Variants in DIAPH2 observed in about 807,000 individuals in gnomAD.
The protein encoded by DIAPH2 is protein diaphanous homolog 2.
A neutral mutation model predicts 92.7 loss-of-function variants in DIAPH2; 35 were observed. That is an observed-to-expected ratio of 0.38 (90% CI 0.29 to 0.50). DIAPH2 has a LOEUF of 0.50. DIAPH2 is among the 20% of genes least tolerant of loss of function. The pLI is 0.94. For missense variants in DIAPH2, 701 were observed against 819.5 expected (o/e 0.86, Z 1.77); for synonymous variants, 301 against 280.4 (o/e 1.07, Z -0.73).
intron 26 of DIAPH2, chrX:97,469,957 T>A: frequency 1.8e-6 from 1 of 553,113 alleles, no homozygotes; most frequent in Non-Finnish European, 2.6e-6. Flanking sequence ...AAAGAAAATA[T>A]AGACTTGGGA....
At chrX:96,898,266 G>T (rs1444811470) in intron 5 of DIAPH2, among the ~76,000 whole-genome samples, 1 of 101,219 alleles carries the variant, frequency 9.9e-6, no homozygotes, top group Non-Finnish European at 2.0e-5. Context: ...GGGTCAAATG[G>T]TATTTCTAGT....
At chrX:96,686,398 A>T (rs764878192) in intron 1 of DIAPH2, among the ~76,000 whole-genome samples, 6 of 111,488 alleles carry the variant, frequency 5.4e-5, no homozygotes, top group Non-Finnish European at 9.4e-5. Context: ...TCGAGAAAAA[A>T]AAAAACACTT....
chrX:96,770,850 A>G (rs747846075), intron 4 of DIAPH2, among the ~76,000 whole-genome samples: 1 of 112,371 alleles, frequency 8.9e-6, no homozygotes, highest in Non-Finnish European at 1.9e-5. Flanking sequence ...TACCAATTTC[A>G]GTCTTTTCTA....
At chrX:97,422,385 T>C (rs183345800) in intron 25 of DIAPH2, among the ~76,000 whole-genome samples, 178 of 111,745 alleles carry the variant, frequency 1.6e-3, no homozygotes, top group Non-Finnish European at 2.9e-3. Context: ...ATTTCTTCCA[T>C]GAAATCTTCC....
chrX:96,924,262 G>T (rs1183504378), intron 9 of DIAPH2, among the ~76,000 whole-genome samples: 2 of 111,976 alleles, frequency 1.8e-5, no homozygotes, highest in Non-Finnish European at 3.8e-5. Context: ...TCTATTTATT[G>T]ACAGTTTTAT....
intron 4 of DIAPH2, among the ~76,000 whole-genome samples, chrX:96,819,226 T>G (rs2064761852): frequency 8.9e-6 from 1 of 112,489 alleles, no homozygotes; most frequent in Admixed American, 9.4e-5. Flanking sequence ...GCCCTTTTAT[T>G]TGGTTCTAAA....
Position 97,109,753 on chromosome X carries a change from C to T in DIAPH2, c.2350-4973C>T, listed in dbSNP as rs2066966713. Among the ~76,000 whole-genome samples, 3 of 111,518 alleles carry T rather than the reference C, an allele frequency of 2.7e-5. 1 individual carries two copies. Among genetic ancestry groups the T allele is most frequent in the Admixed American group, 1.9e-4 (2 of 10,450 alleles). On this transcript the variant is annotated intron_variant, in intron 20 of 26. Coordinates refer to ENST00000324765, the MANE Select transcript of DIAPH2 (RefSeq NM_006729.5). The stretch of plus-strand genomic sequence containing the variant: ...ACTATATGTCCTCTTCTTGACCCAG[C>T]ATTTTACTGAATATTATGTTTCCTA...
At chrX:96,810,311 G>A (rs2064667201) in intron 4 of DIAPH2, among the ~76,000 whole-genome samples, 1 of 112,326 alleles carries the variant, frequency 8.9e-6, no homozygotes, top group African/African-American at 3.2e-5. Flanking sequence ...CTGCATAAAT[G>A]TCTTCTTTTG....
chrX:97,539,051 A>G (rs772931738), intron 26 of DIAPH2, among the ~76,000 whole-genome samples: 3 of 112,338 alleles, frequency 2.7e-5, no homozygotes, highest in African/African-American at 9.7e-5. Flanking sequence ...AAAGAAGAAG[A>G]AAAAAACAAC....
intron 4 of DIAPH2, among the ~76,000 whole-genome samples, chrX:96,819,142 C>T (rs1009550816): frequency 8.9e-6 from 1 of 112,081 alleles, no homozygotes; most frequent in South Asian, 3.7e-4. Flanking sequence ...GGTCTGTTGC[C>T]CAAGGGTTGG....
rs1160617401 is a variant in DIAPH2, at chrX:97,145,322, A to AGTAGTAGTG, written c.2719+3530_2719+3531insAGTAGTGGT. On this transcript the variant is annotated intron_variant, in intron 22 of 26. Coordinates refer to ENST00000324765, the MANE Select transcript of DIAPH2 (RefSeq NM_006729.5). ...TAGTAGTAGTAGTAGTAGTAGTAGT[A>AGTAGTAGTG]GTGGTAGTAGTAGTAGTATTGATAT... Among the ~76,000 whole-genome samples, 11 of 107,436 alleles carry AGTAGTAGTG rather than the reference A, an allele frequency of 1.0e-4. No homozygotes were observed. The East Asian group carries it at 1.4e-3, about 14-fold the overall frequency. 93.3% of individuals were successfully genotyped at this position (107,436 alleles called of 115,157 possible).
At chrX:97,066,647 T>C (rs2066636098) in intron 17 of DIAPH2, among the ~76,000 whole-genome samples, 1 of 112,279 alleles carries the variant, frequency 8.9e-6, no homozygotes, top group African/African-American at 3.2e-5. Flanking sequence ...TCCTAAAATA[T>C]GCATTACCTG....
At chrX:97,329,471 A>G (rs2068978218) in intron 23 of DIAPH2, among the ~76,000 whole-genome samples, 1 of 112,258 alleles carries the variant, frequency 8.9e-6, no homozygotes, top group Non-Finnish European at 1.9e-5. Context: ...GTAGAAGCAT[A>G]TATGAACAAT....
intron 26 of DIAPH2, among the ~76,000 whole-genome samples, chrX:97,523,445 T>A (rs190528877): frequency 8.9e-6 from 1 of 112,198 alleles, no homozygotes; most frequent in East Asian, 2.8e-4. Flanking sequence ...AATCCTATTT[T>A]ATTTAAGTGG....
chrX:96,954,651 G>A (rs2065798490), intron 15 of DIAPH2, among the ~76,000 whole-genome samples: 1 of 112,196 alleles, frequency 8.9e-6, no homozygotes, highest in African/African-American at 3.2e-5. Context: ...GAAACTTTTG[G>A]TTAGTCATTT....
Position 96,686,104 on chromosome X carries a change from C to A in DIAPH2, c.132+914C>A, listed in dbSNP as rs759025374. Among the ~76,000 whole-genome samples the A allele has an allele frequency of 6.3e-5, 7 of 111,742 alleles. 1 individual carries two copies. The East Asian group carries it at 2.0e-3, about 31-fold the overall frequency. On this transcript the variant is annotated intron_variant, in intron 1 of 26. Transcript: ENST00000324765. ...GGGAAAGGGTTTTCCTGTACAAATT[C>A]AGCAGATACTCCTTAGAGCTGTATT...
At chrX:97,270,790 C>T (rs1030494830) in intron 23 of DIAPH2, among the ~76,000 whole-genome samples, 3 of 110,844 alleles carry the variant, frequency 2.7e-5, no homozygotes, top group Non-Finnish European at 5.6e-5. Flanking sequence ...CCTTCTTCCA[C>T]ATAACTGTAA....
intron 25 of DIAPH2, among the ~76,000 whole-genome samples, chrX:97,421,281 T>C (rs994523155): frequency 3.6e-5 from 4 of 112,315 alleles, no homozygotes; most frequent in Admixed American, 1.9e-4. Context: ...TATTATCTCC[T>C]ATTGTTTCAT....
intron 24 of DIAPH2, among the ~76,000 whole-genome samples, chrX:97,375,867 A>C (rs2069495232): frequency 9.0e-6 from 1 of 111,616 alleles, no homozygotes; most frequent in African/African-American, 3.3e-5. Context: ...ATCAGTAAAG[A>C]TGGGAAAAGT....
Sources: allele counts gnomAD v4.1 joint callset (sites outside exome capture counted in the v4.1 genomes callset), GRCh38; gene constraint gnomAD v4.1.1; transcripts MANE v1.5; gene names NCBI Gene and HGNC (gene_info 2026-07-23, HGNC 2026-07-21).